The following SNTG2 variants were observed in gnomAD, a reference collection of about 807,000 sequenced individuals.
SNTG2 encodes the protein gamma-2-syntrophin.
A neutral mutation model predicts 70.9 loss-of-function variants in SNTG2; 74 were observed. The ratio of observed to expected loss-of-function variants is 1.04; its 90% CI spans 0.86 to 1.27. The LOEUF (loss-of-function observed/expected upper bound fraction) is 1.27, where lower values mean the gene tolerates loss of function less well. SNTG2 is among the 50% of genes most tolerant of loss of function. The pLI is 0.00. For missense variants in SNTG2, 717 were observed against 690.7 expected, an observed-to-expected ratio of 1.04 and a Z score of -0.43; for synonymous variants, 278 against 273.8, an observed-to-expected ratio of 1.02 and a Z score of -0.15.
At chr2:1,116,831 C>CCAATA (rs1667027937) in intron 4 of SNTG2, among the ~76,000 whole-genome samples, 1 of 141,192 alleles carries the variant, frequency 7.1e-6, no homozygotes, top group Non-Finnish European at 1.5e-5. Flanking sequence ...TGTGGGTGCC[C>CCAATA]TGGTGTATGG....
At chr2:1,195,900 A>C (rs1486308678) in intron 8 of SNTG2, among the ~76,000 whole-genome samples, 1 of 152,166 alleles carries the variant, frequency 6.6e-6, no homozygotes, top group Admixed American at 6.5e-5. Flanking sequence ...ATCAGGAAAA[A>C]AAAAATAAAC....
intron 1 of SNTG2, among the ~76,000 whole-genome samples, chr2:992,095 G>A (rs1371006080): frequency 2.0e-5 from 3 of 152,086 alleles, no homozygotes; most frequent in Non-Finnish European, 4.4e-5. Context: ...GCAGATAATG[G>A]AAATAACCTC....
chr2:1,353,874 G>C lies in SNTG2; in HGVS notation c.1489-13469G>C, dbSNP rs904249757. On this transcript the variant is annotated intron_variant, in intron 16 of 16. Transcript: ENST00000308624. The surrounding 1 kb of genome is among the most constrained non-coding windows in gnomAD (Gnocchi z 4.2). Reference sequence around the variant, plus strand: ...TGATTGAGGACATTTGGTAATATTAGCATTTATGTGTTGATTGAAAGTGTC... The same window carrying C: ...TGATTGAGGACATTTGGTAATATTACCATTTATGTGTTGATTGAAAGTGTC... 2.0e-5 allele frequency: 3 copies of C among 152,192 alleles called. No individual in the cohort carries two copies. In the East Asian group the frequency reaches 5.8e-4, roughly 29 times the overall value. 9.4% of individuals were successfully genotyped at this position (152,192 alleles called of 1,614,324 possible).
chr2:1,064,382 A>G (rs1369141253), intron 1 of SNTG2, among the ~76,000 whole-genome samples: 1 of 151,770 alleles, frequency 6.6e-6, no homozygotes, highest in Non-Finnish European at 1.5e-5. Context: ...AAAAGCACAT[A>G]TCCACATATG....
chr2:1,036,345 T>C (rs1661128554), intron 1 of SNTG2, among the ~76,000 whole-genome samples: 1 of 152,202 alleles, frequency 6.6e-6, no homozygotes, highest in Admixed American at 6.5e-5. Context: ...TGATATTCTT[T>C]ACAAGGCATA....
chr2:1,153,568 G>C (rs62106017), intron 6 of SNTG2, among the ~76,000 whole-genome samples: 12,374 of 152,206 alleles, frequency 0.081, 799 homozygotes, highest in South Asian at 0.18. Flanking sequence ...TCCACAAAGG[G>C]AAAGCCTCAC....
intron 14 of SNTG2, among the ~76,000 whole-genome samples, chr2:1,303,920 C>A (rs1680566421): frequency 6.6e-6 from 1 of 152,198 alleles, no homozygotes; most frequent in Non-Finnish European, 1.5e-5. Context: ...ACTGTAGAGT[C>A]TTTGGGTAGC....
chr2:1,259,147 G>A (rs916023210), intron 12 of SNTG2, among the ~76,000 whole-genome samples: 1 of 152,066 alleles, frequency 6.6e-6, no homozygotes, highest in East Asian at 1.9e-4. Context: ...TTTTCCTGTC[G>A]GTAAAGGATC....
intron 8 of SNTG2, among the ~76,000 whole-genome samples, chr2:1,204,380 TA>T (rs2147978148): frequency 6.6e-6 from 1 of 152,334 alleles, no homozygotes; most frequent in South Asian, 2.1e-4. Context: ...CAGCAACATG[TA>T]AAAAGTTGGC....
chr2:994,548 A>C (rs546304312), intron 1 of SNTG2, among the ~76,000 whole-genome samples: 1 of 152,128 alleles, frequency 6.6e-6, no homozygotes, highest in Non-Finnish European at 1.5e-5. Context: ...TTTTAGAATT[A>C]GCTTGTCAAT....
chr2:1,255,603 G>A (rs1162982837), intron 12 of SNTG2, among the ~76,000 whole-genome samples: 4 of 151,758 alleles, frequency 2.6e-5, no homozygotes, highest in South Asian at 2.1e-4. Context: ...AATCTGAACC[G>A]CTTGGATGGG....
At chr2:1,347,005 A>AATCCCC (rs1660323430) in intron 16 of SNTG2, among the ~76,000 whole-genome samples, 1 of 152,094 alleles carries the variant, frequency 6.6e-6, no homozygotes, top group Non-Finnish European at 1.5e-5. Context: ...ATACAGATTA[A>AATCCCC]TTAAAAAAAA....
At chr2:956,551 C>T (rs1660166824) in intron 1 of SNTG2, among the ~76,000 whole-genome samples, 1 of 152,252 alleles carries the variant, frequency 6.6e-6, no homozygotes, top group Admixed American at 6.5e-5. Context: ...CAACCCATGC[C>T]CCTTCCTGCG....
intron 1 of SNTG2, among the ~76,000 whole-genome samples, chr2:966,157 C>T (rs1351174606): frequency 6.6e-6 from 1 of 152,248 alleles, no homozygotes; most frequent in Admixed American, 6.5e-5. Context: ...GTCCCACCTC[C>T]CTTCTCTGTG....
At chr2:1,086,890 A>G (rs1265630611) in intron 2 of SNTG2, among the ~76,000 whole-genome samples, 1 of 152,152 alleles carries the variant, frequency 6.6e-6, no homozygotes, top group African/African-American at 2.4e-5. Flanking sequence ...ACCTGAAATG[A>G]ACCTCCATGA....
intron 11 of SNTG2, among the ~76,000 whole-genome samples, chr2:1,240,774 C>A (rs1676995465): frequency 6.6e-6 from 1 of 152,114 alleles, no homozygotes; most frequent in South Asian, 2.1e-4. Flanking sequence ...AGAAAAGAAA[C>A]ACTAAGAATA....
chr2:1,055,700 G>A lies in SNTG2; in HGVS notation c.73-27818G>A, dbSNP rs141710507. Reference sequence around the variant, plus strand: ...AGAAATTCAGATTTGGAAGAAACCCGGAACAGTAATTGATCTTATCCATTC... The same window carrying A: ...AGAAATTCAGATTTGGAAGAAACCCAGAACAGTAATTGATCTTATCCATTC... On this transcript the variant is annotated intron_variant, in intron 1 of 16. Coordinates refer to ENST00000308624, the MANE Select transcript of SNTG2 (RefSeq NM_018968.4). Among the ~76,000 whole-genome samples, 73 of 152,286 alleles carry A rather than the reference G, an allele frequency of 4.8e-4. 1 individual carries two copies. In the East Asian group the frequency reaches 9.1e-3, roughly 19 times the overall value.
intron 11 of SNTG2, among the ~76,000 whole-genome samples, chr2:1,242,105 T>G (rs1677090990): frequency 6.6e-6 from 1 of 152,212 alleles, no homozygotes. Flanking sequence ...TGTAGGATGA[T>G]GAAGAACTAG....
intron 4 of SNTG2, among the ~76,000 whole-genome samples, chr2:1,117,703 C>T (rs1667125920): frequency 6.6e-6 from 1 of 152,218 alleles, no homozygotes; most frequent in African/African-American, 2.4e-5. Flanking sequence ...ACAGAGGTTC[C>T]TGCCTCCCCA....
Sources: allele counts gnomAD v4.1 joint callset (sites outside exome capture counted in the v4.1 genomes callset), GRCh38; gene constraint gnomAD v4.1.1; non-coding constraint Gnocchi (gnomAD v3.1); transcripts MANE v1.5; gene names NCBI Gene and HGNC (gene_info 2026-07-23, HGNC 2026-07-21).